The following KCNH1 variants were observed in gnomAD, a reference collection of about 807,000 sequenced individuals.
The protein encoded by KCNH1 is voltage-gated delayed rectifier potassium channel KCNH1.
In KCNH1, 27 loss-of-function variants were observed where a neutral mutation model predicts 69.2. The ratio of observed to expected loss-of-function variants is 0.39; its 90% CI spans 0.29 to 0.54. The LOEUF (loss-of-function observed/expected upper bound fraction) is 0.54, where lower values mean the gene tolerates loss of function less well. KCNH1 is among the 20% of genes least tolerant of loss of function. The pLI is 0.68. For synonymous variants in KCNH1, 456 were observed against 487.7 expected (o/e 0.93, Z 0.86); for missense variants, 798 against 1,261.6 (o/e 0.63, Z 5.57).
At chr1:210,687,247 G>A (rs1460295376) in intron 10 of KCNH1, among the ~76,000 whole-genome samples, 1 of 152,258 alleles carries the variant, frequency 6.6e-6, no homozygotes, top group Non-Finnish European at 1.5e-5. Flanking sequence ...GGGAGGGGAA[G>A]TGGGAGTTCC....
intron 6 of KCNH1, among the ~76,000 whole-genome samples, 183 bp downstream of exon 6, chr1:211,018,600 T>G (rs1025082177): frequency 6.6e-6 from 1 of 152,204 alleles, no homozygotes; most frequent in Admixed American, 6.5e-5. Flanking sequence ...TTCACTGTCA[T>G]GCAGGGCCTC....
At chr1:210,944,273 T>C (rs1337011253) in intron 6 of KCNH1, among the ~76,000 whole-genome samples, 1 of 152,236 alleles carries the variant, frequency 6.6e-6, no homozygotes, top group African/African-American at 2.4e-5. Flanking sequence ...TAGTTAGAAA[T>C]GGCTTTTAAA....
intron 7 of KCNH1, among the ~76,000 whole-genome samples, chr1:210,872,188 T>C (rs1383818904): frequency 6.8e-6 from 1 of 147,850 alleles, no homozygotes; most frequent in African/African-American, 2.5e-5. Context: ...AGATAATCGA[T>C]GTTAAGTACT....
At chr1:210,711,245 T>C (rs929686840) in intron 10 of KCNH1, among the ~76,000 whole-genome samples, 1 of 152,224 alleles carries the variant, frequency 6.6e-6, no homozygotes, top group Admixed American at 6.5e-5. Flanking sequence ...GCCAGAAATC[T>C]TGTGGGAAAT....
intron 7 of KCNH1, among the ~76,000 whole-genome samples, chr1:210,841,099 A>G (rs1685399190): frequency 6.6e-6 from 1 of 152,144 alleles, no homozygotes; most frequent in Non-Finnish European, 1.5e-5. Context: ...GACCCCAAAA[A>G]TGGTCAGTCA....
chr1:210,907,813 C>T (rs1687147016), intron 7 of KCNH1, among the ~76,000 whole-genome samples: 2 of 152,178 alleles, frequency 1.3e-5, no homozygotes, highest in African/African-American at 4.8e-5. Flanking sequence ...AGAGCAGATG[C>T]TACCAGGTGG....
intron 7 of KCNH1, among the ~76,000 whole-genome samples, chr1:210,838,185 A>T (rs1428652730): frequency 6.6e-6 from 1 of 152,186 alleles, no homozygotes; most frequent in Non-Finnish European, 1.5e-5. Flanking sequence ...CAGAAACAGG[A>T]CCACACAGCT....
intron 5 of KCNH1, among the ~76,000 whole-genome samples, chr1:211,057,553 C>T (rs189055133): frequency 1.6e-4 from 24 of 152,056 alleles, no homozygotes; most frequent in Middle Eastern, 3.4e-3. Context: ...GTGAGAGGAT[C>T]GCTCGAGCCC....
At chr1:210,852,623 G>C (rs187371742) in intron 7 of KCNH1, among the ~76,000 whole-genome samples, 5 of 152,204 alleles carry the variant, frequency 3.3e-5, no homozygotes, top group Admixed American at 1.3e-4. Context: ...TTCACCCTTA[G>C]AGCCCCTACC....
At position 210,786,530 on chromosome 1, in the gene KCNH1, C is replaced by T. The variant is rs991398405; in HGVS notation, c.1915+10978G>A. Among the ~76,000 whole-genome samples, 32 of 152,150 alleles carry T rather than the reference C, an allele frequency of 2.1e-4. No homozygotes were observed. The Middle Eastern group carries it at 0.01, about 49-fold the overall frequency. ...CTCGGGCTCCTATAAATTGGTATTC[C>T]TTGGGGCTGTGTTCTAGACTTTGTT... is the stretch of plus-strand genomic sequence containing the variant. On this transcript the variant is annotated intron_variant, in intron 9 of 10. Transcript: ENST00000271751.
intron 9 of KCNH1, among the ~76,000 whole-genome samples, chr1:210,795,285 C>A (rs1684286941): frequency 6.6e-6 from 1 of 152,044 alleles, no homozygotes; most frequent in African/African-American, 2.4e-5. Flanking sequence ...TAGCTGGGAC[C>A]ACAAGCATAT....
intron 7 of KCNH1, chr1:210,859,287 TTTGA>T: frequency 2.5e-6 from 4 of 1,579,104 alleles, no homozygotes; most frequent in African/African-American, 1.3e-5. Flanking sequence ...GCTGCTCTTC[TTTGA>T]TTGGCCAGAG....
chr1:210,727,644 TCAAA>T (rs1682633125), intron 10 of KCNH1, among the ~76,000 whole-genome samples: 1 of 149,600 alleles, frequency 6.7e-6, no homozygotes, highest in African/African-American at 2.5e-5. Context: ...TACCCTTCTC[TCAAA>T]CAAAACAAGC....
intron 7 of KCNH1, among the ~76,000 whole-genome samples, chr1:210,834,517 A>C (rs36139176): frequency 0.82 from 88,674 of 108,126 alleles, 36,410 homozygotes; most frequent in African/African-American, 0.84. Flanking sequence ...GGGAACATCA[A>C]ACTCTGGGGA....
At chr1:210,767,485 C>G (rs769683659) in intron 10 of KCNH1, among the ~76,000 whole-genome samples, 25 of 152,194 alleles carry the variant, frequency 1.6e-4, no homozygotes, top group Admixed American at 3.3e-4. Context: ...ATCATTTGAG[C>G]TGGAAGAGAT....
At chr1:210,985,638 G>A (rs142053872) in intron 6 of KCNH1, among the ~76,000 whole-genome samples, 1 of 152,200 alleles carries the variant, frequency 6.6e-6, no homozygotes, top group Non-Finnish European at 1.5e-5. Flanking sequence ...TTGCACTGTG[G>A]TCTGGGAGAG....
At chr1:210,781,045 T>TCAAA (rs550730310) in intron 9 of KCNH1, among the ~76,000 whole-genome samples, 282 of 152,286 alleles carry the variant, frequency 1.9e-3, no homozygotes, top group African/African-American at 5.9e-3. Flanking sequence ...AGACTCCGTT[T>TCAAA]CAAACAAACA....
chr1:211,070,430 A>T (rs7546729), intron 5 of KCNH1, among the ~76,000 whole-genome samples: 1 of 137,126 alleles, frequency 7.3e-6, no homozygotes, highest in Non-Finnish European at 1.5e-5. Flanking sequence ...AAAAAAAAAA[A>T]ACACACACAC....
chr1:210,808,153 C>G (rs1393458694), intron 7 of KCNH1, among the ~76,000 whole-genome samples: 1 of 152,222 alleles, frequency 6.6e-6, no homozygotes, highest in African/African-American at 2.4e-5. Flanking sequence ...GAGTCTGACT[C>G]TAACTCAACA....
Sources: allele counts gnomAD v4.1 joint callset (sites outside exome capture counted in the v4.1 genomes callset), GRCh38; gene constraint gnomAD v4.1.1; transcripts MANE v1.5; gene names NCBI Gene and HGNC (gene_info 2026-07-23, HGNC 2026-07-21).